The following USP34 variants were observed in gnomAD, a reference collection of about 807,000 sequenced individuals.
USP34 encodes ubiquitin carboxyl-terminal hydrolase 34.
A neutral mutation model predicts 460.3 loss-of-function variants in USP34; 70 were observed. The observed-to-expected ratio is 0.15, with a 90% CI of 0.13 to 0.19. The LOEUF is 0.19. Ranked by LOEUF, USP34 falls within the 10% of genes least tolerant of loss-of-function variation. The pLI is 1.00. For missense variants in USP34, 3,985 were observed against 4,236.2 expected (o/e 0.94, Z 1.65); for synonymous variants, 1,647 against 1,405.3 (o/e 1.17, Z -3.85).
In USP34 at chr2:61,187,538, AAC is replaced by A. The variant is rs1176199887; in HGVS notation, c.*562_*563del. The A allele has an allele frequency of 7.2e-6, 7 of 978,186 alleles. No individual in the cohort carries two copies. Among genetic ancestry groups the A allele is most frequent in the African/African-American group, 3.5e-5 (2 of 57,048 alleles). The allele number at this position is 978,186 out of a possible 1,614,324, so 60.6% of individuals were successfully genotyped here. ...CAATCAGTCATGTCAATAAAAATAA[AAC>A]AATTATTTTTACATCAAGTGTGCTT... On this transcript the variant is annotated 3_prime_UTR_variant, in exon 80 of 80. Coordinates refer to ENST00000398571, the MANE Select transcript of USP34 (RefSeq NM_014709.4).
At chr2:61,387,683 AT>A (rs1260560006) in intron 5 of USP34, among the ~76,000 whole-genome samples, 1 of 143,532 alleles carries the variant, frequency 7.0e-6, no homozygotes, top group Non-Finnish European at 1.5e-5. Context: ...GTAAAAATAT[AT>A]TTTTACATAT....
intron 5 of USP34, among the ~76,000 whole-genome samples, chr2:61,387,686 T>C (rs987358056): frequency 7.0e-6 from 1 of 143,600 alleles, no homozygotes; most frequent in African/African-American, 2.5e-5. Flanking sequence ...AAAATATATT[T>C]TTACATATAC....
chr2:61,356,475 GCACACA>G (rs70963416), intron 10 of USP34, among the ~76,000 whole-genome samples: 1 of 128,332 alleles, frequency 7.8e-6, no homozygotes, highest in Non-Finnish European at 1.7e-5. Flanking sequence ...GGGTGAAAGC[GCACACA>G]CACACACACA....
At chr2:61,265,668 T>C (rs958340259) in intron 42 of USP34, 111 bp from the exon 43 acceptor site, 44 of 867,216 alleles carry the variant, frequency 5.1e-5, no homozygotes, top group Middle Eastern at 7.5e-4. Flanking sequence ...TTAATATATA[T>C]AGAACATTAT....
At chr2:61,455,632 C>T (rs920696941) in intron 1 of USP34, among the ~76,000 whole-genome samples, 3 of 152,100 alleles carry the variant, frequency 2.0e-5, no homozygotes, top group African/African-American at 4.8e-5. Flanking sequence ...ATATATACCA[C>T]GTAGACCAAC....
intron 1 of USP34, among the ~76,000 whole-genome samples, chr2:61,467,139 C>T (rs1695793290): frequency 2.0e-5 from 3 of 151,756 alleles, no homozygotes; most frequent in Admixed American, 2.0e-4. Flanking sequence ...CCCGTTTCTA[C>T]TAAAAATACA....
At position 61,228,591 on chromosome 2, in the gene USP34, A is replaced by G. The variant is rs990949477; in HGVS notation, c.7443+54T>C. On this transcript the variant is annotated intron_variant, in intron 61 of 79. Coordinates refer to ENST00000398571, the MANE Select transcript of USP34 (RefSeq NM_014709.4). ...AACATCTCAGGACTTCGCACGATGCAAACTATGAAAACCAGAGCCTCTAAT... is the reference window on the plus strand; with the variant it reads ...AACATCTCAGGACTTCGCACGATGCGAACTATGAAAACCAGAGCCTCTAAT... 2.0e-6 allele frequency: 3 copies of G among 1,537,938 alleles called. No individual in the cohort carries two copies. The African/African-American group carries it at 4.1e-5, about 21-fold the overall frequency.
intron 41 of USP34, among the ~76,000 whole-genome samples, chr2:61,271,774 A>C (rs1479476988): frequency 1.3e-5 from 2 of 152,226 alleles, no homozygotes; most frequent in East Asian, 3.9e-4. Context: ...TGCAGCTGCA[A>C]AGTGTAAAAT....
chr2:61,307,788 C>G (rs1690458842), intron 27 of USP34, among the ~76,000 whole-genome samples: 1 of 152,006 alleles, frequency 6.6e-6, no homozygotes, highest in South Asian at 2.1e-4. Context: ...TGGGTCACCC[C>G]TGTAATCCAA....
intron 20 of USP34, among the ~76,000 whole-genome samples, chr2:61,327,157 T>C (rs543888535): frequency 1.3e-5 from 2 of 152,184 alleles, no homozygotes; most frequent in South Asian, 4.2e-4. Context: ...AAAATTAGCT[T>C]CCCAAAATCG....
In USP34 at chr2:61,266,012, G is replaced by A. The variant is rs766957242; in HGVS notation, c.5589C>T (p.His1863=). The change falls in exon 42 of 80, where the codon CAC becomes CAT. Residue 1863 remains histidine, a synonymous_variant. Coordinates refer to ENST00000398571, the MANE Select transcript of USP34 (RefSeq NM_014709.4). The stretch of plus-strand genomic sequence containing the variant: ...GCATGTGTTGTGCCATAACCCAGTT[G>A]TGTATTAGCCTGTAGTTCTCAACAG... ...KGSVENYRLI[H]NWVMAQHMQS... The A allele has an allele frequency of 8.3e-5, 134 of 1,611,082 alleles. No homozygotes were observed. Among genetic ancestry groups the A allele is most frequent in the Non-Finnish European group, 1.1e-4 (130 of 1,177,882 alleles).
chr2:61,269,095 T>C (rs908273593), intron 41 of USP34, among the ~76,000 whole-genome samples: 1 of 152,174 alleles, frequency 6.6e-6, no homozygotes, highest in East Asian at 1.9e-4. Context: ...TACATTACAA[T>C]TACATTCTGT....
chr2:61,223,183 G>T lies in USP34; in HGVS notation c.7645-19C>A. On this transcript the variant is annotated intron_variant, in intron 63 of 79. Coordinates refer to ENST00000398571, the MANE Select transcript of USP34 (RefSeq NM_014709.4). ...GAAATCCCTGTCAAAAGCAAAAGTT[G>T]TTCATTTAAGAACCGTTATTATTTT... 3 of 1,612,906 alleles carry T rather than the reference G, an allele frequency of 1.9e-6. No individual in the cohort carries two copies. Among genetic ancestry groups the T allele is most frequent in the Non-Finnish European group, 2.5e-6 (3 of 1,179,280 alleles).
At chr2:61,208,847 G>A (rs1687191733) in intron 70 of USP34, 52 bp downstream of exon 70, 1 of 1,354,002 alleles carries the variant, frequency 7.4e-7, no homozygotes, top group South Asian at 1.5e-5. Context: ...AAGTCTTGGT[G>A]AGAACATTAA....
At chr2:61,399,668 G>A (rs1693650581) in intron 3 of USP34, among the ~76,000 whole-genome samples, 1 of 151,676 alleles carries the variant, frequency 6.6e-6, no homozygotes. Context: ...GCCAAGAGTT[G>A]GAGATCACCC....
At chr2:61,370,636 C>T in intron 8 of USP34, 57 bp from the exon 9 acceptor site, 2 of 1,518,030 alleles carry the variant, frequency 1.3e-6, no homozygotes, top group South Asian at 1.2e-5. Context: ...TTTCTCATGT[C>T]TAAAAGGTAG....
chr2:61,275,445 C>G (rs1226865537), intron 41 of USP34, among the ~76,000 whole-genome samples: 1 of 151,906 alleles, frequency 6.6e-6, no homozygotes, highest in South Asian at 2.1e-4. Context: ...AGCAAAACCC[C>G]ATCTCTACAA....
At position 61,278,525 on chromosome 2, in the gene USP34, A is replaced by G. The variant is rs559679590; in HGVS notation, c.5257-82T>C. On this transcript the variant is annotated intron_variant, in intron 39 of 79. Transcript: ENST00000398571. ...ATAAAATTATTAAAATCATTTCCTT[A>G]TAGGTAACAATAATTTAGTTCTCCC... 1.5e-5 allele frequency: 16 copies of G among 1,080,108 alleles called. No homozygotes were observed. The African/African-American group carries it at 2.4e-4, about 16-fold the overall frequency. The allele number at this position is 1,080,108 out of a possible 1,614,324, so 66.9% of individuals were successfully genotyped here. A position where few individuals can be genotyped will look rare whatever the true frequency, so the allele number is the denominator to read the frequency against.
At position 61,211,755 on chromosome 2, in the gene USP34, T is replaced by C; in HGVS notation, c.8840+17A>G. The C allele has an allele frequency of 6.5e-7, 1 of 1,549,224 alleles. No homozygotes were observed. Among genetic ancestry groups the C allele is most frequent in the Non-Finnish European group, 8.6e-7 (1 of 1,158,330 alleles). On this transcript the variant is annotated intron_variant, in intron 69 of 79. Coordinates refer to ENST00000398571, the MANE Select transcript of USP34 (RefSeq NM_014709.4). ...TCACTGGAAATAAACAAGACAAAAC[T>C]AAAAACATCTTTTTACCTTATTAAA... is the stretch of plus-strand genomic sequence containing the variant.
Sources: allele counts gnomAD v4.1 joint callset (sites outside exome capture counted in the v4.1 genomes callset), GRCh38; gene constraint gnomAD v4.1.1; transcripts MANE v1.5; gene names NCBI Gene and HGNC (gene_info 2026-07-23, HGNC 2026-07-21).